The following KIAA0825 variants were observed in gnomAD, a reference collection of about 807,000 sequenced individuals.
KIAA0825 encodes the protein KIAA0825, also known as uncharacterized protein KIAA0825.
In KIAA0825, 119 loss-of-function variants were observed where a neutral mutation model predicts 147.6. The observed-to-expected ratio is 0.81, with a 90% CI of 0.69 to 0.94. KIAA0825 has a LOEUF of 0.94. KIAA0825 is among the 40% of genes least tolerant of loss of function. The pLI is 0.00. For synonymous variants in KIAA0825, 470 were observed against 518.1 expected (o/e 0.91, Z 1.26); for missense variants, 1,381 against 1,472.7 (o/e 0.94, Z 1.02).
chr5:94,543,004 A>T (rs917452793), intron 2 of KIAA0825, among the ~76,000 whole-genome samples: 2 of 152,196 alleles, frequency 1.3e-5, no homozygotes, highest in Non-Finnish European at 2.9e-5. Flanking sequence ...GTCTCTGCAC[A>T]CAGTGTTTCT....
chr5:94,204,743 TA>T (rs1411392430), intron 20 of KIAA0825, among the ~76,000 whole-genome samples: 1 of 152,170 alleles, frequency 6.6e-6, no homozygotes, highest in East Asian at 1.9e-4. Context: ...ATTCTCTGAC[TA>T]AACTGTTCAT....
chr5:94,278,536 T>A (rs1325245783), intron 20 of KIAA0825, among the ~76,000 whole-genome samples: 26 of 152,106 alleles, frequency 1.7e-4, no homozygotes, highest in African/African-American at 4.8e-5. Context: ...AGGGATTTTT[T>A]AAAAAATGAC....
At chr5:94,221,085 T>G (rs1227107619) in intron 20 of KIAA0825, among the ~76,000 whole-genome samples, 2 of 152,200 alleles carry the variant, frequency 1.3e-5, no homozygotes, top group African/African-American at 2.4e-5. Flanking sequence ...TCATTTTCTC[T>G]CTTCCGAGAG....
chr5:94,535,393 C>A (rs1465157795), intron 3 of KIAA0825, among the ~76,000 whole-genome samples: 4 of 151,006 alleles, frequency 2.6e-5, no homozygotes, highest in Admixed American at 2.0e-4. Flanking sequence ...ACCTGTAATC[C>A]CAGCTTCTTG....
intron 20 of KIAA0825, among the ~76,000 whole-genome samples, chr5:94,367,508 A>G (rs1251551514): frequency 2.0e-5 from 3 of 152,178 alleles, no homozygotes; most frequent in East Asian, 1.9e-4. Context: ...CAAAAAAAAA[A>G]TAGAAATAGG....
intron 20 of KIAA0825, among the ~76,000 whole-genome samples, chr5:94,297,142 A>G (rs190784548): frequency 6.6e-6 from 1 of 152,192 alleles, no homozygotes. Context: ...GCCCAGGCAC[A>G]TGGAAACTCG....
intron 1 of KIAA0825, among the ~76,000 whole-genome samples, chr5:94,583,449 TG>T (rs1332501593): frequency 1.3e-5 from 2 of 152,224 alleles, no homozygotes; most frequent in East Asian, 3.9e-4. Context: ...AGCTTGGCAG[TG>T]GGAAGGGTGT....
At chr5:94,381,838 T>C (rs535864211) in intron 20 of KIAA0825, among the ~76,000 whole-genome samples, 1 of 152,292 alleles carries the variant, frequency 6.6e-6, no homozygotes, top group African/African-American at 2.4e-5. Flanking sequence ...GGAGGTCTAG[T>C]GTACTCTAGG....
At chr5:94,282,503 A>T (rs938702659) in intron 20 of KIAA0825, among the ~76,000 whole-genome samples, 2 of 152,134 alleles carry the variant, frequency 1.3e-5, no homozygotes, top group South Asian at 2.1e-4. Context: ...CTATGAATAT[A>T]TGTGAATTTA....
intron 17 of KIAA0825, 24 bp from the exon 18 acceptor site, chr5:94,391,718 A>C: frequency 6.7e-7 from 1 of 1,484,914 alleles, no homozygotes. Flanking sequence ...AAGCATATAC[A>C]TATCAGTAGT....
At chr5:94,458,036 C>T (rs540994962) in intron 12 of KIAA0825, among the ~76,000 whole-genome samples, 81 of 152,232 alleles carry the variant, frequency 5.3e-4, no homozygotes, top group Non-Finnish European at 9.7e-4. Context: ...ACTAAGATAG[C>T]CCTGAAAAGC....
intron 16 of KIAA0825, among the ~76,000 whole-genome samples, chr5:94,402,727 T>C (rs1016646509): frequency 6.6e-6 from 1 of 151,344 alleles, no homozygotes. Context: ...CTTTCTCTAG[T>C]TTCCTAGTTT....
intron 20 of KIAA0825, among the ~76,000 whole-genome samples, chr5:94,158,212 T>A (rs1195480772): frequency 2.6e-5 from 4 of 152,090 alleles, no homozygotes; most frequent in Non-Finnish European, 5.9e-5. Flanking sequence ...GCCCCCTTAT[T>A]TGTTTATGTA....
At chr5:94,407,415 T>G (rs1426325421) in intron 15 of KIAA0825, among the ~76,000 whole-genome samples, 1 of 152,214 alleles carries the variant, frequency 6.6e-6, no homozygotes, top group East Asian at 1.9e-4. Flanking sequence ...ACCAGCATCA[T>G]TCATAACAGC....
intron 20 of KIAA0825, among the ~76,000 whole-genome samples, chr5:94,290,271 C>T (rs748865184): frequency 6.6e-6 from 1 of 152,150 alleles, no homozygotes; most frequent in African/African-American, 2.4e-5. Flanking sequence ...TCTCCTAATG[C>T]TATCCCTCCC....
At chr5:94,518,394 A>G (rs1767590850) in intron 5 of KIAA0825, among the ~76,000 whole-genome samples, 2 of 152,114 alleles carry the variant, frequency 1.3e-5, no homozygotes, top group Non-Finnish European at 1.5e-5. Flanking sequence ...AATAAAGCTG[A>G]ACTGAATTTA....
chr5:94,587,733 G>C (rs980045844), intron 1 of KIAA0825, among the ~76,000 whole-genome samples: 1 of 152,172 alleles, frequency 6.6e-6, no homozygotes, highest in African/African-American at 2.4e-5. Context: ...GGCCCACATA[G>C]CCAAGACAAT....
In KIAA0825 at chr5:94,262,340, C is replaced by T. The variant is rs1776537100; in HGVS notation, c.3711-108216G>A. 3.3e-5 allele frequency among the ~76,000 whole-genome samples: 5 copies of T among 151,810 alleles called. No homozygotes were observed. In the South Asian group the frequency reaches 1.0e-3, roughly 32 times the overall value. On this transcript the variant is annotated intron_variant, in intron 20 of 20. Transcript: ENST00000682413. ...TTGATGGGTATATAAATTAGCATAG[C>T]CTCTTTGAAAGGAAATTTGGAATAC... is the stretch of plus-strand genomic sequence containing the variant.
At chr5:94,609,226 A>G (rs1212117243) in intron 1 of KIAA0825, among the ~76,000 whole-genome samples, 2 of 152,206 alleles carry the variant, frequency 1.3e-5, no homozygotes, top group African/African-American at 4.8e-5. Flanking sequence ...AACCAAAACA[A>G]TATATCACCA....
Sources: allele counts gnomAD v4.1 joint callset (sites outside exome capture counted in the v4.1 genomes callset), GRCh38; gene constraint gnomAD v4.1.1; transcripts MANE v1.5; gene names NCBI Gene and HGNC (gene_info 2026-07-23, HGNC 2026-07-21).